Variants in TACC2 observed in about 807,000 individuals in gnomAD.
TACC2 encodes the protein transforming acidic coiled-coil-containing protein 2.
TACC2 carries 137 observed loss-of-function variants against 227.3 expected under a neutral mutation model. The observed-to-expected ratio is 0.60, with a 90% CI of 0.52 to 0.69. The LOEUF is 0.69. TACC2 is among the 30% of genes least tolerant of loss of function. The pLI is 0.00. For synonymous variants in TACC2, 1,523 were observed against 1,487.5 expected, an observed-to-expected ratio of 1.02 and a Z score of -0.55; for missense variants, 3,470 against 3,694.4, an observed-to-expected ratio of 0.94 and a Z score of 1.57.
chr10:122,008,264 A>ATTATTATTATTTTAT, intron 1 of TACC2, among the ~76,000 whole-genome samples: 6,403 of 134,608 alleles, frequency 0.048, 522 homozygotes, highest in African/African-American at 0.16. Flanking sequence ...TATTATTATT[A>ATTATTATTATTTTAT]TTTTTTTTTT....
At chr10:122,035,978 G>C (rs1401390364) in intron 2 of TACC2, among the ~76,000 whole-genome samples, 1 of 152,046 alleles carries the variant, frequency 6.6e-6, no homozygotes, top group Non-Finnish European at 1.5e-5. Context: ...GCAGCTGGCT[G>C]CTTTGTCTCT....
intron 13 of TACC2, among the ~76,000 whole-genome samples, chr10:122,226,897 G>A (rs59962796): frequency 0.19 from 28,818 of 152,104 alleles, 2,884 homozygotes; most frequent in African/African-American, 0.25. Flanking sequence ...TCCATCATTT[G>A]TCTAAAGGGG....
At chr10:122,040,585 G>A (rs1212567900) in intron 2 of TACC2, among the ~76,000 whole-genome samples, 1 of 152,104 alleles carries the variant, frequency 6.6e-6, no homozygotes, top group African/African-American at 2.4e-5. Context: ...CTGGAGTTCC[G>A]CTTGGCCATG....
chr10:122,083,626 C>T lies in TACC2; in HGVS notation c.1126C>T (p.Pro376Ser), dbSNP rs376621212. The change falls in exon 4 of 23, where the codon CCA (proline) becomes TCA (serine). Residue 376 changes from proline (P) to serine (S), a missense_variant. Pro to Ser is a moderately conservative substitution (Grantham distance 74). Coordinates refer to ENST00000369005, the MANE Select transcript of TACC2 (RefSeq NM_206862.4). ...ALDTIDVQGH[P>S]QTGMRGTKPN... ...GGACACCATTGATGTTCAGGGTCAC[C>T]CACAGACAGGGATGCGAGGAACCAA... 23 of 1,611,488 alleles carry T rather than the reference C, an allele frequency of 1.4e-5. No individual in the cohort carries two copies. In the African/African-American group the frequency reaches 2.4e-4, roughly 17 times the overall value.
intron 17 of TACC2, 68 bp from the exon 18 acceptor site, chr10:122,237,893 C>T (rs2095890638): frequency 4.3e-6 from 5 of 1,163,974 alleles, no homozygotes; most frequent in Non-Finnish European, 6.3e-6. Context: ...TTTTCTTGAT[C>T]TATGAATTGC....
chr10:122,049,044 G>T (rs188060300), intron 2 of TACC2, among the ~76,000 whole-genome samples: 2 of 152,320 alleles, frequency 1.3e-5, no homozygotes, highest in Admixed American at 1.3e-4. Flanking sequence ...CTTGTCAAAG[G>T]TGTTTGACCA....
At chr10:122,139,056 T>C (rs892651883) in intron 6 of TACC2, among the ~76,000 whole-genome samples, 1 of 152,222 alleles carries the variant, frequency 6.6e-6, no homozygotes, top group Non-Finnish European at 1.5e-5. Context: ...GCGTGGGGAT[T>C]CATAACTTGG....
intron 5 of TACC2, among the ~76,000 whole-genome samples, chr10:122,130,020 C>T (rs573745422): frequency 1.1e-4 from 17 of 152,234 alleles, no homozygotes; most frequent in South Asian, 8.3e-4. Context: ...AGGATCAATA[C>T]GGAGTCTCCC....
In TACC2 at chr10:122,228,251, GTTAT is replaced by G. The variant is rs534528333; in HGVS notation, c.7896+247_7896+250del. ...CTTAAGTACTTTATATGCCTTCAGG[GTTAT>G]TTAGTTTCCATTTTTTGCCACTTAG... On this transcript the variant is annotated intron_variant, in intron 14 of 22. Transcript: ENST00000369005. Among the ~76,000 whole-genome samples, 456 of 152,346 alleles carry G rather than the reference GTTAT, an allele frequency of 3.0e-3. 5 individuals carry two copies. Among genetic ancestry groups the G allele is most frequent in the Non-Finnish European group, 3.2e-3 (220 of 68,028 alleles).
chr10:122,250,297 C>T (rs1388155962), intron 22 of TACC2, among the ~76,000 whole-genome samples: 1 of 152,176 alleles, frequency 6.6e-6, no homozygotes, highest in African/African-American at 2.4e-5. Context: ...AGCCTCCCTC[C>T]TTGGATGTGT....
At position 122,016,261 on chromosome 10, in the gene TACC2, G is replaced by GAAAAA. The variant is rs66489609; in HGVS notation, c.-45-5670_-45-5666dup. Reference sequence around the variant, plus strand: ...TGGGTGACAGAGTGAGACCCTGTCTGAAAAAAAAAAGGAAAAAAAAAAAAA... The same window carrying GAAAAA: ...TGGGTGACAGAGTGAGACCCTGTCTGAAAAAAAAAAAAAAAGGAAAAAAAAAAAAA... On this transcript the variant is annotated intron_variant, in intron 1 of 22. Coordinates refer to ENST00000369005, the MANE Select transcript of TACC2 (RefSeq NM_206862.4). Among the ~76,000 whole-genome samples the GAAAAA allele has an allele frequency of 2.6e-4, 27 of 103,310 alleles. 1 individual carries two copies. The South Asian group carries it at 3.3e-3, about 13-fold the overall frequency. The allele number at this position is 103,310 out of a possible 152,430, so 67.8% of individuals were successfully genotyped here.
rs576922673 is a variant in TACC2 at position 122,077,592 on chromosome 10, G to A, written c.147-5055G>A. On this transcript the variant is annotated intron_variant, in intron 3 of 22. Transcript: ENST00000369005. The stretch of plus-strand genomic sequence containing the variant: ...TTGGGGCCACAACTGAGAGCAAAGC[G>A]AAGCCACAGTGGGGTGACAGGAGCA... Among the ~76,000 whole-genome samples the A allele has an allele frequency of 5.3e-5, 8 of 152,310 alleles. 1 individual carries two copies. The South Asian group carries it at 8.3e-4, about 16-fold the overall frequency.
At chr10:122,235,236 C>T (rs796984799) in intron 16 of TACC2, among the ~76,000 whole-genome samples, 37 of 152,250 alleles carry the variant, frequency 2.4e-4, no homozygotes, top group African/African-American at 6.7e-4. Context: ...TACAGGCATG[C>T]ACCACCACAC....
intron 2 of TACC2, among the ~76,000 whole-genome samples, chr10:122,046,038 G>T (rs1041803812): frequency 6.6e-6 from 1 of 152,150 alleles, no homozygotes; most frequent in Admixed American, 6.5e-5. Flanking sequence ...AGCTGGGTGT[G>T]GTGGTGCATG....
chr10:122,224,851 C>G, intron 12 of TACC2, 64 bp downstream of exon 12: 2 of 1,360,584 alleles, frequency 1.5e-6, no homozygotes, highest in South Asian at 2.3e-5. Flanking sequence ...GCCTCCTCCC[C>G]TGTGCAGAGT....
chr10:122,141,251 T>C lies in TACC2; in HGVS notation c.5700-2321T>C, dbSNP rs1487360242. On this transcript the variant is annotated intron_variant, in intron 6 of 22. Transcript: ENST00000369005. This position sits in a 1 kb window ranked among gnomAD's most constrained non-coding sequence, Gnocchi z 4.3. The stretch of plus-strand genomic sequence containing the variant: ...TCTGTGGGGGCCCATGTGTTAGCGC[T>C]TGGGCTTGGATGGTGAGTCACTGAG... 1.3e-5 allele frequency among the ~76,000 whole-genome samples: 2 copies of C among 152,050 alleles called. No individual in the cohort carries two copies. Among genetic ancestry groups the C allele is most frequent in the African/African-American group, 2.4e-5 (1 of 41,400 alleles).
Position 122,141,195 on chromosome 10 carries a change from AGAG to A in TACC2, c.5700-2373_5700-2371del, listed in dbSNP as rs2090480506. ...GGAGGAGGAGGAGGGTCAGGAGGGA[AGAG>A]GAGAAGTTCTGTTGGGCCCAGGAGG... On this transcript the variant is annotated intron_variant, in intron 6 of 22. Transcript: ENST00000369005. This position sits in a 1 kb window ranked among gnomAD's most constrained non-coding sequence, Gnocchi z 4.3. Among the ~76,000 whole-genome samples, 1 of 151,912 alleles carries A rather than the reference AGAG, an allele frequency of 6.6e-6. No individual in the cohort carries two copies. Among genetic ancestry groups the A allele is most frequent in the Non-Finnish European group, 1.5e-5 (1 of 67,972 alleles).
chr10:122,190,487 C>T (rs4751878), intron 7 of TACC2, among the ~76,000 whole-genome samples: 57,140 of 151,990 alleles, frequency 0.38, 11,757 homozygotes, highest in Middle Eastern at 0.51. Context: ...GTCCTGTTTT[C>T]GTGGCCAGCA....
rs764496827 is a variant in TACC2, at chr10:122,083,378, G to C, written c.878G>C (p.Gly293Ala). ...PRASDRERGQ[G>A]EAPPQYLTDD... ...GCCTCAGACAGAGAAAGAGGCCAAG[G>C]GGAGGCGCCGCCTCAGTATTTAACA... is the stretch of plus-strand genomic sequence containing the variant. Residue 293 changes from glycine (G) to alanine (A), a missense_variant, in exon 4 of 23, where the codon GGG becomes GCG. Transcript: ENST00000369005. The C allele has an allele frequency of 6.2e-7, 1 of 1,613,924 alleles. No homozygotes were observed. The highest frequency in any genetic ancestry group is 1.3e-5 in the African/African-American group (1 of 75,054).
Sources: allele counts gnomAD v4.1 joint callset (sites outside exome capture counted in the v4.1 genomes callset), GRCh38; gene constraint gnomAD v4.1.1; non-coding constraint Gnocchi (gnomAD v3.1); transcripts MANE v1.5; gene names NCBI Gene and HGNC (gene_info 2026-07-23, HGNC 2026-07-21).